The following FRMD4A variants were observed in gnomAD, a reference collection of about 807,000 sequenced individuals.
FRMD4A encodes FERM domain containing 4A.
In FRMD4A, 29 loss-of-function variants were observed where a neutral mutation model predicts 129.1. The ratio of observed to expected loss-of-function variants is 0.22; its 90% CI spans 0.17 to 0.31. The LOEUF is 0.31. Among genes scored for constraint, FRMD4A ranks in the 10% least tolerant of loss-of-function variants. The probability of loss-of-function intolerance (pLI) is 1.00; values close to 1 mark genes in which losing one functional copy is unlikely to be tolerated. For synonymous variants in FRMD4A, 634 were observed against 571.6 expected, an observed-to-expected ratio of 1.11 and a Z score of -1.56; for missense variants, 1,272 against 1,375.8, an observed-to-expected ratio of 0.92 and a Z score of 1.19.
intron 2 of FRMD4A, among the ~76,000 whole-genome samples, chr10:13,973,335 T>G (rs12413822): frequency 0.031 from 4,739 of 152,272 alleles, 116 homozygotes; most frequent in Admixed American, 0.061. Context: ...ATGCATTAAT[T>G]TGTTTAATTA....
chr10:14,247,798 G>A (rs1844297568), intron 2 of FRMD4A, among the ~76,000 whole-genome samples: 1 of 152,150 alleles, frequency 6.6e-6, no homozygotes, highest in African/African-American at 2.4e-5. Context: ...TCTGTCCTCT[G>A]CTTAAATTGA....
At chr10:14,166,837 C>T (rs374491333) in intron 2 of FRMD4A, among the ~76,000 whole-genome samples, 20 of 152,314 alleles carry the variant, frequency 1.3e-4, no homozygotes, top group South Asian at 8.3e-4. Context: ...CTTTGGCCTT[C>T]GTGCCCAGTT....
intron 3 of FRMD4A, among the ~76,000 whole-genome samples, chr10:13,857,237 A>C (rs1389022469): frequency 2.0e-5 from 3 of 152,202 alleles, no homozygotes; most frequent in Middle Eastern, 3.2e-3. Flanking sequence ...CAAATGGGGA[A>C]ATGATTAGAT....
At chr10:14,120,310 A>C (rs1211476026) in intron 2 of FRMD4A, among the ~76,000 whole-genome samples, 1 of 151,832 alleles carries the variant, frequency 6.6e-6, no homozygotes, top group African/African-American at 2.4e-5. Flanking sequence ...TCTTAGGTCT[A>C]AACTCAGTTC....
At chr10:13,864,913 C>A (rs1014488652) in intron 2 of FRMD4A, among the ~76,000 whole-genome samples, 2 of 152,154 alleles carry the variant, frequency 1.3e-5, no homozygotes, top group African/African-American at 2.4e-5. Flanking sequence ...TATGCCTGTG[C>A]AGGAGGAGCT....
At chr10:13,791,454 T>TGAGA (rs1413281106) in intron 5 of FRMD4A, among the ~76,000 whole-genome samples, 1 of 79,916 alleles carries the variant, frequency 1.3e-5, no homozygotes, top group Non-Finnish European at 3.1e-5. Flanking sequence ...TGGGTGTGTG[T>TGAGA]GTGAGAGAAA....
chr10:14,063,726 A>G (rs7897052), intron 2 of FRMD4A, among the ~76,000 whole-genome samples: 26,242 of 151,996 alleles, frequency 0.17, 2,851 homozygotes, highest in East Asian at 0.41. Flanking sequence ...TCACCGTTTT[A>G]AACCACACAA....
chr10:14,009,077 G>C (rs2095672189), intron 2 of FRMD4A, among the ~76,000 whole-genome samples: 1 of 152,194 alleles, frequency 6.6e-6, no homozygotes, highest in African/African-American at 2.4e-5. Flanking sequence ...CGGCTGTGTC[G>C]AAGCAGATTC....
chr10:13,796,404 T>C (rs757545661), intron 5 of FRMD4A, 92 bp downstream of exon 5: 82 of 734,876 alleles, frequency 1.1e-4, no homozygotes, highest in Non-Finnish European at 1.7e-4. Context: ...AAGACAAACT[T>C]GAGCTCTCTT....
chr10:13,825,408 C>T lies in FRMD4A; in HGVS notation c.112-14500G>A, dbSNP rs186894371. Among the ~76,000 whole-genome samples the T allele has an allele frequency of 3.6e-3, 542 of 152,260 alleles. 3 individuals carry two copies. The highest frequency in any genetic ancestry group is 0.017 in the South Asian group (84 of 4,814). ...ACTGGGTTGCACAGCAGTGGGCAAGCGAGCATTACCACCTAAGCAGCAGTA... is the reference window on the plus strand; with the variant it reads ...ACTGGGTTGCACAGCAGTGGGCAAGTGAGCATTACCACCTAAGCAGCAGTA... On this transcript the variant is annotated intron_variant, in intron 3 of 24. Transcript: ENST00000357447.
intron 5 of FRMD4A, among the ~76,000 whole-genome samples, chr10:13,792,177 G>A (rs999476777): frequency 1.1e-4 from 17 of 152,186 alleles, no homozygotes; most frequent in African/African-American, 4.1e-4. Context: ...CAGGCCTGGC[G>A]GTGGCTCTGT....
chr10:13,884,172 ACACTCACACACACACACACACACT>A (rs2094585013), intron 2 of FRMD4A, among the ~76,000 whole-genome samples: 2 of 21,650 alleles, frequency 9.2e-5, no homozygotes, highest in Non-Finnish European at 2.3e-4. Flanking sequence ...ACACACTCAC[ACACTCACACACACACACACACACT>A]CACACACACA....
chr10:14,013,790 G>C (rs2095689574), intron 2 of FRMD4A, among the ~76,000 whole-genome samples: 1 of 152,172 alleles, frequency 6.6e-6, no homozygotes. Flanking sequence ...AATTAGCCAG[G>C]TGTGGTGGTG....
chr10:14,002,175 A>G (rs1588727534), intron 2 of FRMD4A, among the ~76,000 whole-genome samples: 1 of 152,312 alleles, frequency 6.6e-6, no homozygotes, highest in Middle Eastern at 3.4e-3. Context: ...CCAGACACAC[A>G]AAAACCCTTT....
At chr10:13,831,710 C>T (rs2093793132) in intron 3 of FRMD4A, among the ~76,000 whole-genome samples, 1 of 152,170 alleles carries the variant, frequency 6.6e-6, no homozygotes, top group Admixed American at 6.6e-5. Flanking sequence ...CTTGTTAATT[C>T]CTTCCACACG....
intron 2 of FRMD4A, among the ~76,000 whole-genome samples, chr10:14,023,538 C>G (rs1290392668): frequency 6.6e-6 from 1 of 152,084 alleles, no homozygotes; most frequent in Non-Finnish European, 1.5e-5. Flanking sequence ...GTTCTTGGAT[C>G]GAGAAGACCT....
intron 15 of FRMD4A, among the ~76,000 whole-genome samples, chr10:13,689,529 G>A (rs2134806686): frequency 2.2e-4 from 1 of 4,576 alleles, no homozygotes; most frequent in South Asian, 0.071. Flanking sequence ...ATACACTCTA[G>A]GAACATAGAT....
intron 2 of FRMD4A, among the ~76,000 whole-genome samples, chr10:13,864,957 T>C (rs1396097920): frequency 6.6e-6 from 1 of 152,152 alleles, no homozygotes; most frequent in Non-Finnish European, 1.5e-5. Context: ...CTGTTTAGAA[T>C]GTTTTTGTTT....
At chr10:14,288,545 A>G (rs893791020) in intron 2 of FRMD4A, among the ~76,000 whole-genome samples, 1 of 152,210 alleles carries the variant, frequency 6.6e-6, no homozygotes, top group East Asian at 1.9e-4. Context: ...TCATCTTGCC[A>G]GATTTTAGGC....
Sources: gnomAD v4.1 joint callset for allele counts (sites outside exome capture counted in the v4.1 genomes callset) on GRCh38, gnomAD v4.1.1 for gene constraint, MANE v1.5 for transcripts, NCBI Gene and HGNC (gene_info 2026-07-23, HGNC 2026-07-21) for gene names.